VAV3: variants seen among roughly 807,000 people sequenced by gnomAD.
The protein encoded by VAV3 is vav guanine nucleotide exchange factor 3.
A neutral mutation model predicts 131.2 loss-of-function variants in VAV3; 94 were observed. The observed-to-expected ratio is 0.72, with a 90% CI of 0.61 to 0.85. The LOEUF is 0.85. Ranked by LOEUF, VAV3 falls within the 40% of genes least tolerant of loss-of-function variation. VAV3 has a pLI of 0.00. For missense variants in VAV3, 939 were observed against 1,002.7 expected (o/e 0.94, Z 0.86); for synonymous variants, 349 against 342.0 (o/e 1.02, Z -0.22).
At chr1:107,805,695 G>T (rs1033482458) in intron 2 of VAV3, among the ~76,000 whole-genome samples, 4 of 152,080 alleles carry the variant, frequency 2.6e-5, no homozygotes, top group Non-Finnish European at 4.4e-5. Context: ...GGAGGTCATG[G>T]TTCCCTGTTT....
intron 1 of VAV3, 75 bp from the exon 2 acceptor site, chr1:107,875,092 C>T: frequency 8.0e-7 from 1 of 1,257,492 alleles, no homozygotes; most frequent in South Asian, 1.2e-5. Context: ...ACACTCAAGA[C>T]TGCTCTAAAA....
At chr1:107,735,907 A>T (rs1436832844) in intron 15 of VAV3, among the ~76,000 whole-genome samples, 2 of 152,182 alleles carry the variant, frequency 1.3e-5, no homozygotes, top group African/African-American at 4.8e-5. Context: ...ACAACAAAAA[A>T]AGAGAATTTT....
intron 20 of VAV3, among the ~76,000 whole-genome samples, chr1:107,630,786 A>T (rs1428637765): frequency 6.6e-6 from 1 of 152,206 alleles, no homozygotes; most frequent in African/African-American, 2.4e-5. Flanking sequence ...AAACATGCCT[A>T]AAAAAACACA....
intron 2 of VAV3, among the ~76,000 whole-genome samples, chr1:107,846,520 C>T (rs1246277805): frequency 6.6e-6 from 1 of 152,126 alleles, no homozygotes; most frequent in Non-Finnish European, 1.5e-5. Context: ...TCAGGAGACC[C>T]ATCTCACATG....
intron 1 of VAV3, among the ~76,000 whole-genome samples, chr1:107,963,751 GTT>G (rs1479599888): frequency 2.4e-5 from 3 of 124,068 alleles, no homozygotes; most frequent in African/African-American, 4.2e-5. Flanking sequence ...TTGGTTTTTT[GTT>G]TTGTTTTAAC....
intron 2 of VAV3, among the ~76,000 whole-genome samples, chr1:107,851,186 A>C (rs1669208385): frequency 6.6e-6 from 1 of 151,660 alleles, no homozygotes; most frequent in South Asian, 2.1e-4. Context: ...AAAAAAAAAA[A>C]AAAAGAAGCC....
At chr1:107,847,812 G>C (rs981539183) in intron 2 of VAV3, among the ~76,000 whole-genome samples, 1 of 152,128 alleles carries the variant, frequency 6.6e-6, no homozygotes, top group Non-Finnish European at 1.5e-5. Flanking sequence ...CAGGACCAGA[G>C]AGATTCACAG....
chr1:107,858,467 C>A (rs1669578635), intron 2 of VAV3, among the ~76,000 whole-genome samples: 1 of 152,064 alleles, frequency 6.6e-6, no homozygotes, highest in Non-Finnish European at 1.5e-5. Flanking sequence ...GTCCCCAACC[C>A]CCAGACCAGT....
chr1:107,786,991 AT>A (rs964787287), intron 2 of VAV3, among the ~76,000 whole-genome samples: 4 of 151,466 alleles, frequency 2.6e-5, no homozygotes, highest in Admixed American at 2.6e-4. Context: ...ACACACACAC[AT>A]ACACACATAC....
chr1:107,934,240 G>A (rs1366604957), intron 1 of VAV3, among the ~76,000 whole-genome samples: 1 of 152,086 alleles, frequency 6.6e-6, no homozygotes, highest in East Asian at 1.9e-4. Flanking sequence ...TGAAAATATT[G>A]CAAAACCCAA....
rs1664059857 is a variant in VAV3 at position 107,755,636 on chromosome 1, G to C, written c.1087-123C>G. On this transcript the variant is annotated intron_variant, in intron 11 of 26. Transcript: ENST00000370056. ...AAAGTAACCACTGTAACTTTTCAAAGACAGTAAAATGAATGCCCAGTCAAT... is the reference window on the plus strand; with the variant it reads ...AAAGTAACCACTGTAACTTTTCAAACACAGTAAAATGAATGCCCAGTCAAT... 1.5e-5 allele frequency: 10 copies of C among 671,686 alleles called. No homozygotes were observed. The South Asian group carries it at 2.0e-4, about 14-fold the overall frequency. The allele number at this position is 671,686 out of a possible 1,614,324, so 41.6% of individuals were successfully genotyped here.
At chr1:107,574,524 T>A (rs1649482295) in intron 25 of VAV3, among the ~76,000 whole-genome samples, 1 of 152,242 alleles carries the variant, frequency 6.6e-6, no homozygotes, top group Admixed American at 6.5e-5. Flanking sequence ...AATATCTAAG[T>A]ATCTAAGGAG....
chr1:107,745,756 A>T (rs547157547), intron 15 of VAV3, among the ~76,000 whole-genome samples: 1 of 152,356 alleles, frequency 6.6e-6, no homozygotes, highest in Non-Finnish European at 1.5e-5. Flanking sequence ...CAATCATCCT[A>T]TAAACAGAAT....
At chr1:107,877,488 G>A (rs1051220118) in intron 1 of VAV3, among the ~76,000 whole-genome samples, 1 of 152,118 alleles carries the variant, frequency 6.6e-6, no homozygotes, top group African/African-American at 2.4e-5. Flanking sequence ...ATTCAGAAAA[G>A]CAAGTATTAT....
At chr1:107,716,168 G>A (rs1661079573) in intron 15 of VAV3, among the ~76,000 whole-genome samples, 1 of 152,104 alleles carries the variant, frequency 6.6e-6, no homozygotes, top group African/African-American at 2.4e-5. Flanking sequence ...AACTGACCAG[G>A]ATTTTTATAA....
intron 1 of VAV3, among the ~76,000 whole-genome samples, chr1:107,921,385 A>C (rs531621071): frequency 5.3e-5 from 8 of 152,234 alleles, no homozygotes; most frequent in Non-Finnish European, 8.8e-5. Context: ...CATATTGCAG[A>C]GGGTAAGGAA....
At chr1:107,788,956 T>C (rs780549510) in intron 2 of VAV3, among the ~76,000 whole-genome samples, 2 of 152,182 alleles carry the variant, frequency 1.3e-5, no homozygotes, top group Non-Finnish European at 2.9e-5. Flanking sequence ...CACCAATTAG[T>C]CACTGAACCA....
At chr1:107,762,903 T>C (rs1192108315) in intron 9 of VAV3, among the ~76,000 whole-genome samples, 1 of 152,106 alleles carries the variant, frequency 6.6e-6, no homozygotes, top group African/African-American at 2.4e-5. Flanking sequence ...CTCAATTCAA[T>C]TGTAATGGAA....
chr1:107,856,311 C>T (rs926109503), intron 2 of VAV3, among the ~76,000 whole-genome samples: 2 of 152,258 alleles, frequency 1.3e-5, no homozygotes, highest in Middle Eastern at 3.4e-3. Context: ...CTGAAAACTG[C>T]TTACATTTAT....
Sources: gnomAD v4.1 joint callset for allele counts (sites outside exome capture counted in the v4.1 genomes callset) on GRCh38, gnomAD v4.1.1 for gene constraint, MANE v1.5 for transcripts, NCBI Gene and HGNC (gene_info 2026-07-23, HGNC 2026-07-21) for gene names.